The following TNIK variants were observed in gnomAD, a reference collection of about 807,000 sequenced individuals.
TNIK encodes TRAF2 and NCK interacting kinase.
A neutral mutation model predicts 191.3 loss-of-function variants in TNIK; 49 were observed. The ratio of observed to expected loss-of-function variants is 0.26; its 90% CI spans 0.20 to 0.32. The LOEUF is 0.32. Among genes scored for constraint, TNIK ranks in the 10% least tolerant of loss-of-function variants. The probability of loss-of-function intolerance (pLI) is 1.00; values close to 1 mark genes in which losing one functional copy is unlikely to be tolerated. For synonymous variants in TNIK, 594 were observed against 600.9 expected, an observed-to-expected ratio of 0.99 and a Z score of 0.17; for missense variants, 1,155 against 1,702.3, an observed-to-expected ratio of 0.68 and a Z score of 5.66.
At chr3:171,459,945 G>A (rs1419592921) in intron 1 of TNIK, 62 bp downstream of exon 1, 2 of 651,272 alleles carry the variant, frequency 3.1e-6, no homozygotes, top group Admixed American at 2.3e-5. Flanking sequence ...CCCAGTCCAC[G>A]CACCGAGCCC....
At chr3:171,160,813 G>C (rs1248417578) in intron 11 of TNIK, among the ~76,000 whole-genome samples, 1 of 152,116 alleles carries the variant, frequency 6.6e-6, no homozygotes, top group Non-Finnish European at 1.5e-5. Flanking sequence ...CTTTCTCCTG[G>C]ATTAGGCTGC....
chr3:171,374,517 T>TA (rs1478400155), intron 1 of TNIK, among the ~76,000 whole-genome samples: 1 of 152,154 alleles, frequency 6.6e-6, no homozygotes, highest in Non-Finnish European at 1.5e-5. Context: ...GGAAGAAAGT[T>TA]ACATACACCA....
intron 2 of TNIK, among the ~76,000 whole-genome samples, chr3:171,285,355 T>C (rs1049354602): frequency 6.6e-6 from 1 of 152,212 alleles, no homozygotes; most frequent in African/African-American, 2.4e-5. Flanking sequence ...AGTGGTAATA[T>C]ATGTTAGCTT....
intron 18 of TNIK, among the ~76,000 whole-genome samples, chr3:171,119,298 C>T (rs1443728779): frequency 2.6e-5 from 4 of 152,212 alleles, no homozygotes; most frequent in Admixed American, 6.5e-5. Flanking sequence ...ACAACACGTC[C>T]TGGAGAGGAT....
chr3:171,120,571 G>A (rs12495864), intron 18 of TNIK, among the ~76,000 whole-genome samples: 13,418 of 152,012 alleles, frequency 0.088, 750 homozygotes, highest in Middle Eastern at 0.2. Context: ...CACCTGTCTC[G>A]GCCTCCCAAA....
At chr3:171,138,953 A>G (rs1730404990) in intron 14 of TNIK, among the ~76,000 whole-genome samples, 1 of 152,192 alleles carries the variant, frequency 6.6e-6, no homozygotes, top group African/African-American at 2.4e-5. Flanking sequence ...CAGTGCTATA[A>G]TAATAAAAAA....
chr3:171,382,581 T>C (rs1718189941), intron 1 of TNIK, among the ~76,000 whole-genome samples: 1 of 152,138 alleles, frequency 6.6e-6, no homozygotes, highest in Non-Finnish European at 1.5e-5. Flanking sequence ...TCCCTACCCC[T>C]CTTGAAGCTG....
intron 1 of TNIK, among the ~76,000 whole-genome samples, chr3:171,442,180 T>C (rs1203509708): frequency 6.6e-6 from 1 of 152,194 alleles, no homozygotes; most frequent in Non-Finnish European, 1.5e-5. Flanking sequence ...CAGCAACTTA[T>C]AGAAGGCAGC....
At chr3:171,398,791 C>T (rs1217974069) in intron 1 of TNIK, among the ~76,000 whole-genome samples, 1 of 152,188 alleles carries the variant, frequency 6.6e-6, no homozygotes, top group Non-Finnish European at 1.5e-5. Flanking sequence ...ATGTAACCAT[C>T]GCAAGTCTGC....
chr3:171,183,564 G>T (rs1736949661), intron 7 of TNIK, among the ~76,000 whole-genome samples: 1 of 152,198 alleles, frequency 6.6e-6, no homozygotes, highest in Non-Finnish European at 1.5e-5. Flanking sequence ...CTCAACGTAA[G>T]CAGACAGAGG....
chr3:171,147,124 T>C (rs1320091276), intron 12 of TNIK, among the ~76,000 whole-genome samples: 2 of 152,184 alleles, frequency 1.3e-5, no homozygotes, highest in Non-Finnish European at 2.9e-5. Flanking sequence ...CTTTTCATCT[T>C]GGGTGACCTC....
At chr3:171,284,029 T>C (rs1750754153) in intron 2 of TNIK, among the ~76,000 whole-genome samples, 1 of 152,126 alleles carries the variant, frequency 6.6e-6, no homozygotes, top group Non-Finnish European at 1.5e-5. Flanking sequence ...TTGCCCGTTA[T>C]CCCCTGAGAA....
chr3:171,119,203 C>T (rs1051266292), intron 18 of TNIK, among the ~76,000 whole-genome samples: 1 of 152,220 alleles, frequency 6.6e-6, no homozygotes, highest in Non-Finnish European at 1.5e-5. Context: ...GCATCATCAT[C>T]ACTGGCCATC....
At chr3:171,356,928 C>T (rs1192998309) in intron 2 of TNIK, among the ~76,000 whole-genome samples, 3 of 151,894 alleles carry the variant, frequency 2.0e-5, no homozygotes, top group African/African-American at 7.3e-5. Flanking sequence ...CTCTACAGTC[C>T]CAAAGACATG....
intron 12 of TNIK, among the ~76,000 whole-genome samples, chr3:171,145,948 C>T (rs1170706016): frequency 6.6e-6 from 1 of 152,142 alleles, no homozygotes; most frequent in African/African-American, 2.4e-5. Flanking sequence ...TAAAGCTAAC[C>T]ACTGCATTTA....
At chr3:171,323,369 T>C (rs1755382946) in intron 2 of TNIK, among the ~76,000 whole-genome samples, 1 of 152,316 alleles carries the variant, frequency 6.6e-6, no homozygotes, top group East Asian at 1.9e-4. Context: ...ATGCCCCTCC[T>C]AGACCTTCAG....
chr3:171,133,657 C>A (rs1418254183), intron 15 of TNIK, among the ~76,000 whole-genome samples: 1 of 152,110 alleles, frequency 6.6e-6, no homozygotes, highest in Admixed American at 6.5e-5. Context: ...CCTTCCAGGT[C>A]TCTCCTATAT....
chr3:171,347,391 TCA>T (rs150384769), intron 2 of TNIK, among the ~76,000 whole-genome samples: 31,178 of 145,948 alleles, frequency 0.21, 3,356 homozygotes, highest in South Asian at 0.24. Flanking sequence ...GAAGTGCCTA[TCA>T]CACACACACA....
intron 1 of TNIK, among the ~76,000 whole-genome samples, chr3:171,406,238 G>A (rs994758935): frequency 3.3e-5 from 5 of 151,956 alleles, no homozygotes; most frequent in African/African-American, 4.8e-5. Flanking sequence ...CCGTAATCTC[G>A]GAATCCTGTG....
Sources: allele counts gnomAD v4.1 joint callset (sites outside exome capture counted in the v4.1 genomes callset), GRCh38; gene constraint gnomAD v4.1.1; transcripts MANE v1.5; gene names NCBI Gene and HGNC (gene_info 2026-07-23, HGNC 2026-07-21).